The following L3MBTL4 variants were observed in gnomAD, a reference collection of about 807,000 sequenced individuals.
L3MBTL4 encodes L3MBTL histone methyl-lysine binding protein 4.
L3MBTL4 carries 70 observed loss-of-function variants against 84.5 expected under a neutral mutation model. The ratio of observed to expected loss-of-function variants is 0.83; its 90% CI spans 0.68 to 1.01. The LOEUF is 1.01. Ranked by LOEUF, L3MBTL4 falls within the 50% of genes least tolerant of loss-of-function variation. L3MBTL4 has a pLI of 0.00. For missense variants in L3MBTL4, 715 were observed against 754.8 expected (o/e 0.95, Z 0.62); for synonymous variants, 274 against 259.8 (o/e 1.05, Z -0.52).
chr18:6,008,736 G>A (rs1052285016), intron 16 of L3MBTL4, among the ~76,000 whole-genome samples: 4 of 152,128 alleles, frequency 2.6e-5, no homozygotes, highest in Admixed American at 1.3e-4. Flanking sequence ...GAGTATCACG[G>A]GTTTGGATTT....
At chr18:6,039,633 G>A (rs537236469) in intron 16 of L3MBTL4, among the ~76,000 whole-genome samples, 54 of 152,108 alleles carry the variant, frequency 3.6e-4, no homozygotes, top group Non-Finnish European at 6.2e-4. Flanking sequence ...ACACATACAC[G>A]CATACCCTCT....
At chr18:6,219,824 A>T (rs1253465195) in intron 10 of L3MBTL4, among the ~76,000 whole-genome samples, 1 of 152,006 alleles carries the variant, frequency 6.6e-6, no homozygotes, top group Non-Finnish European at 1.5e-5. Flanking sequence ...ACTACTTGGG[A>T]TGTGGCAAAA....
chr18:6,069,193 T>C (rs879703948), intron 16 of L3MBTL4, among the ~76,000 whole-genome samples: 2 of 152,208 alleles, frequency 1.3e-5, no homozygotes, highest in Non-Finnish European at 2.9e-5. Flanking sequence ...AGAGTTACAA[T>C]TGCAGTGAAC....
At chr18:6,299,041 G>A (rs1025307481) in intron 4 of L3MBTL4, among the ~76,000 whole-genome samples, 2 of 152,114 alleles carry the variant, frequency 1.3e-5, no homozygotes, top group African/African-American at 4.8e-5. Context: ...ATATTCAAAC[G>A]TAAAGGCATA....
intron 1 of L3MBTL4, among the ~76,000 whole-genome samples, chr18:6,333,356 C>G (rs537395408): frequency 2.6e-5 from 4 of 151,980 alleles, no homozygotes; most frequent in Middle Eastern, 3.2e-3. Flanking sequence ...GGGCAGATCA[C>G]GAGGTCAAGA....
At chr18:6,385,247 T>C (rs1340829209) in intron 1 of L3MBTL4, among the ~76,000 whole-genome samples, 1 of 151,568 alleles carries the variant, frequency 6.6e-6, no homozygotes, top group African/African-American at 2.4e-5. Flanking sequence ...AAAAAATATA[T>C]AGTATTTGGC....
chr18:6,224,460 CG>C (rs1555694893), intron 10 of L3MBTL4, among the ~76,000 whole-genome samples: 1 of 152,144 alleles, frequency 6.6e-6, no homozygotes, highest in East Asian at 1.9e-4. Flanking sequence ...CCCAACACAA[CG>C]GGGGAACCAT....
At chr18:6,011,599 T>A (rs779758778) in intron 16 of L3MBTL4, among the ~76,000 whole-genome samples, 2 of 152,186 alleles carry the variant, frequency 1.3e-5, no homozygotes, top group Non-Finnish European at 2.9e-5. Context: ...AATGAACTAC[T>A]CCCCACCCCA....
intron 9 of L3MBTL4, among the ~76,000 whole-genome samples, chr18:6,239,200 G>C: frequency 6.6e-6 from 1 of 151,688 alleles, no homozygotes; most frequent in East Asian, 1.9e-4. Flanking sequence ...AATTAGCCGG[G>C]CGTAGTGGCG....
At chr18:6,301,309 A>T (rs2050327764) in intron 4 of L3MBTL4, among the ~76,000 whole-genome samples, 1 of 152,186 alleles carries the variant, frequency 6.6e-6, no homozygotes, top group South Asian at 2.1e-4. Context: ...TTTGATAGAA[A>T]ATTTAGTAAC....
chr18:6,033,329 C>T (rs34333519), intron 16 of L3MBTL4, among the ~76,000 whole-genome samples: 3 of 152,088 alleles, frequency 2.0e-5, no homozygotes, highest in Non-Finnish European at 4.4e-5. Context: ...AATGCCTTTT[C>T]CATCTTTTTA....
At chr18:5,974,780 C>T (rs1297837530) in intron 16 of L3MBTL4, among the ~76,000 whole-genome samples, 1 of 152,124 alleles carries the variant, frequency 6.6e-6, no homozygotes, top group South Asian at 2.1e-4. Flanking sequence ...GACTTGACAA[C>T]ACGGTGAGAC....
chr18:6,277,150 C>CGGGGGGGGGG (rs2049118371), intron 4 of L3MBTL4, among the ~76,000 whole-genome samples: 1 of 109,624 alleles, frequency 9.1e-6, no homozygotes, highest in Non-Finnish European at 1.8e-5. Flanking sequence ...GGTGGGGGGA[C>CGGGGGGGGGG]GGGGGAGGGA....
intron 14 of L3MBTL4, among the ~76,000 whole-genome samples, chr18:6,130,726 C>T (rs2059851841): frequency 6.6e-6 from 1 of 152,176 alleles, no homozygotes; most frequent in African/African-American, 2.4e-5. Flanking sequence ...GACCTTGACT[C>T]AAAAGTAAAT....
intron 4 of L3MBTL4, among the ~76,000 whole-genome samples, chr18:6,266,429 A>ACAG (rs2048635985): frequency 6.6e-6 from 1 of 152,240 alleles, no homozygotes; most frequent in Non-Finnish European, 1.5e-5. Flanking sequence ...TAATTTTAGC[A>ACAG]TCTATCTTTG....
rs367690845 is a variant in L3MBTL4 at position 5,986,737 on chromosome 18, T to C, written c.1445-17175A>G. On this transcript the variant is annotated intron_variant, in intron 16 of 18. Coordinates refer to ENST00000317931, the MANE Select transcript of L3MBTL4 (RefSeq NM_001330559.2). ...CAGTGAGCCTGTGCCTTCCATGCAA[T>C]AGCCTAGAGGAATGTACAGGGGCTT... Among the ~76,000 whole-genome samples, 438 of 152,280 alleles carry C rather than the reference T, an allele frequency of 2.9e-3. 3 individuals are homozygous for C. Among genetic ancestry groups the C allele is most frequent in the South Asian group, 7.0e-3 (34 of 4,826 alleles).
At chr18:6,002,462 G>A (rs984320287) in intron 16 of L3MBTL4, among the ~76,000 whole-genome samples, 1 of 152,036 alleles carries the variant, frequency 6.6e-6, no homozygotes, top group African/African-American at 2.4e-5. Flanking sequence ...TCATTTAAAA[G>A]ACTAATGCAT....
chr18:6,031,700 C>T (rs1207477487), intron 16 of L3MBTL4: 1 of 985,254 alleles, frequency 1.0e-6, no homozygotes, highest in African/African-American at 1.7e-5. Flanking sequence ...AGCACGGCTT[C>T]ATGGGGAATG....
At chr18:6,019,044 G>A (rs922210812) in intron 16 of L3MBTL4, among the ~76,000 whole-genome samples, 1 of 152,110 alleles carries the variant, frequency 6.6e-6, no homozygotes, top group Non-Finnish European at 1.5e-5. Flanking sequence ...TTCCCCCAAG[G>A]AAACAAAGGG....
Sources: gnomAD v4.1 joint callset for allele counts (sites outside exome capture counted in the v4.1 genomes callset) on GRCh38, gnomAD v4.1.1 for gene constraint, MANE v1.5 for transcripts, NCBI Gene and HGNC (gene_info 2026-07-23, HGNC 2026-07-21) for gene names.